Variants in PARVB observed in about 807,000 individuals in gnomAD.
PARVB encodes beta-parvin.
Under a neutral mutation model 47.0 loss-of-function variants are expected in PARVB, and 46 were observed. The observed-to-expected ratio is 0.98, with a 90% confidence interval of 0.77 to 1.25. The LOEUF is 1.25. Ranked by LOEUF, PARVB falls within the 50% of genes most tolerant of loss-of-function variation. The pLI, the probability that PARVB is intolerant of heterozygous loss-of-function variation, is 0.00. For synonymous variants in PARVB, 196 were observed against 196.3 expected, an observed-to-expected ratio of 1.00 and a Z score of 0.01; for missense variants, 473 against 471.6, an observed-to-expected ratio of 1.00 and a Z score of -0.03.
At chr22:44,035,007 G>A (rs893690569) in intron 1 of PARVB, among the ~76,000 whole-genome samples, 7 of 152,082 alleles carry the variant, frequency 4.6e-5, no homozygotes, top group Admixed American at 6.6e-5. Context: ...AACTGCACCC[G>A]GCCACCATGT....
intron 12 of PARVB, among the ~76,000 whole-genome samples, chr22:44,165,676 G>A (rs1042906268): frequency 4.6e-5 from 7 of 152,212 alleles, no homozygotes; most frequent in African/African-American, 1.7e-4. Flanking sequence ...GTCGCTGGAT[G>A]GGGGGCGGAT....
chr22:44,022,949 G>A (rs2050668520), upstream of PARVB, among the ~76,000 whole-genome samples: 1 of 151,740 alleles, frequency 6.6e-6, no homozygotes, highest in African/African-American at 2.4e-5. Flanking sequence ...GTTTCACCAT[G>A]TTGGCCAGGC....
intron 1 of PARVB, chr22:44,081,526 A>G (rs1307138972): frequency 1.3e-6 from 1 of 779,608 alleles, no homozygotes; most frequent in Non-Finnish European, 1.6e-6. Context: ...GGACGTTACC[A>G]GTCACATTAA....
intron 10 of PARVB, 51 bp downstream of exon 10, chr22:44,151,602 C>T (rs755001654): frequency 2.8e-6 from 4 of 1,433,430 alleles, no homozygotes; most frequent in Non-Finnish European, 3.9e-6. Flanking sequence ...CATTTTCAGT[C>T]AGTGTTTTGA....
chr22:44,019,971 C>G (rs117837571), upstream of PARVB, among the ~76,000 whole-genome samples: 1,167 of 152,216 alleles, frequency 7.7e-3, 9 homozygotes, highest in Non-Finnish European at 0.013. Flanking sequence ...ACTGCCTTTC[C>G]TCTTCTCTCA....
chr22:44,129,350 G>A (rs975888424), intron 4 of PARVB, among the ~76,000 whole-genome samples: 7 of 152,188 alleles, frequency 4.6e-5, no homozygotes, highest in Non-Finnish European at 1.0e-4. Context: ...TAAGCCGCAC[G>A]GTGTGTGGCA....
At chr22:44,097,627 C>G (rs2052340124) in intron 2 of PARVB, among the ~76,000 whole-genome samples, 2 of 152,304 alleles carry the variant, frequency 1.3e-5, no homozygotes, top group South Asian at 2.1e-4. Flanking sequence ...GCCTCTGATT[C>G]TGGCCTACTG....
chr22:44,070,610 C>T (rs1402405208), intron 1 of PARVB, among the ~76,000 whole-genome samples: 1 of 152,088 alleles, frequency 6.6e-6, no homozygotes, highest in African/African-American at 2.4e-5. Context: ...GAGGAGAAAC[C>T]AGAGGTGGAA....
At chr22:44,132,105 C>G (rs1047842625) in intron 5 of PARVB, among the ~76,000 whole-genome samples, 1 of 152,182 alleles carries the variant, frequency 6.6e-6, no homozygotes, top group African/African-American at 2.4e-5. Context: ...CTCCTCGGTC[C>G]TGCCCACTCC....
chr22:44,033,040 G>A (rs1028531620), intron 1 of PARVB, among the ~76,000 whole-genome samples: 4 of 152,108 alleles, frequency 2.6e-5, no homozygotes, highest in African/African-American at 7.2e-5. Flanking sequence ...TGAGAATGTT[G>A]GTATCTTAAC....
intron 6 of PARVB, 73 bp from the exon 7 acceptor site, chr22:44,136,387 C>T (rs2053441059): frequency 5.2e-6 from 7 of 1,344,228 alleles, no homozygotes; most frequent in East Asian, 4.6e-5. Flanking sequence ...CCCGCAGCTT[C>T]GTCTGCCCTG....
At chr22:44,020,176 C>T (rs1398226012), upstream of PARVB, among the ~76,000 whole-genome samples, 1 of 136,200 alleles carries the variant, frequency 7.3e-6, no homozygotes, top group Admixed American at 7.4e-5. Context: ...ACAGTCACCA[C>T]TTTTTTTTTT....
At chr22:44,077,642 G>A (rs1453021861) in intron 1 of PARVB, among the ~76,000 whole-genome samples, 1 of 152,178 alleles carries the variant, frequency 6.6e-6, no homozygotes, top group Non-Finnish European at 1.5e-5. Context: ...GGGTGCCGGG[G>A]AGGTGGGAAG....
chr22:44,072,613 G>A (rs1001514258), intron 1 of PARVB, among the ~76,000 whole-genome samples: 1 of 152,060 alleles, frequency 6.6e-6, no homozygotes, highest in Admixed American at 6.5e-5. Flanking sequence ...GCTAATTTTT[G>A]TATTTTTAAT....
intron 9 of PARVB, chr22:44,148,470 G>A (rs902624284): frequency 1.8e-5 from 3 of 163,938 alleles, no homozygotes; most frequent in East Asian, 1.7e-4. Context: ...GCTTGTTCCC[G>A]TCAAAAGGAA....
At chr22:44,079,218 G>T (rs922668601) in intron 1 of PARVB, among the ~76,000 whole-genome samples, 9 of 152,308 alleles carry the variant, frequency 5.9e-5, no homozygotes, top group African/African-American at 2.2e-4. Context: ...GAGGCTGATG[G>T]TGCTGACATC....
rs2051588659 is a variant in PARVB at position 44,068,767 on chromosome 22, G to A, written c.113-25161G>A. Among the ~76,000 whole-genome samples, 1 of 152,186 alleles carries A rather than the reference G, an allele frequency of 6.6e-6. No individual in the cohort carries two copies. The highest frequency in any genetic ancestry group is 6.5e-5 in the Admixed American group (1 of 15,274). On this transcript the variant is annotated intron_variant, in intron 1 of 12. Transcript: ENST00000338758. The surrounding 1 kb of genome is among the most constrained non-coding windows in gnomAD (Gnocchi z 4.1). ...CCTGTCTCAGGGCCCAGAGAGCAAA[G>A]GCAGTGGGAGGCCAATGTCTGTTGT...
At chr22:44,165,668 C>T (rs1264853289) in intron 12 of PARVB, among the ~76,000 whole-genome samples, 3 of 152,314 alleles carry the variant, frequency 2.0e-5, no homozygotes, top group East Asian at 1.9e-4. Context: ...GTCATGGGGT[C>T]GCTGGATGGG....
chr22:44,092,659 A>G (rs879338602), intron 1 of PARVB, among the ~76,000 whole-genome samples: 1 of 152,150 alleles, frequency 6.6e-6, no homozygotes, highest in Non-Finnish European at 1.5e-5. Flanking sequence ...TCATGGTTAC[A>G]TTCAGCCCTT....
Sources: allele counts gnomAD v4.1 joint callset (sites outside exome capture counted in the v4.1 genomes callset), GRCh38; gene constraint gnomAD v4.1.1; non-coding constraint Gnocchi (gnomAD v3.1); transcripts MANE v1.5; gene names NCBI Gene and HGNC (gene_info 2026-07-23, HGNC 2026-07-21).